Variants in DLGAP1 observed in about 807,000 individuals in gnomAD.
DLGAP1 encodes the protein DLG associated protein 1.
A neutral mutation model predicts 90.8 loss-of-function variants in DLGAP1; 11 were observed. The observed-to-expected ratio is 0.12, with a 90% confidence interval of 0.08 to 0.20. The LOEUF is 0.20. Ranked by LOEUF, DLGAP1 falls within the 10% of genes least tolerant of loss-of-function variation. DLGAP1 has a pLI of 1.00. For synonymous variants in DLGAP1, 558 were observed against 540.7 expected (o/e 1.03, Z -0.44); for missense variants, 1,050 against 1,333.8 (o/e 0.79, Z 3.31).
chr18:4,284,202 T>TG (rs1466649053), intron 1 of DLGAP1, among the ~76,000 whole-genome samples: 1 of 59,470 alleles, frequency 1.7e-5, no homozygotes, highest in Non-Finnish European at 3.9e-5. Context: ...CTGCCTCTAC[T>TG]GAAAAAAAAA....
chr18:4,126,749 G>C (rs780255734), intron 2 of DLGAP1, among the ~76,000 whole-genome samples: 1 of 152,068 alleles, frequency 6.6e-6, no homozygotes. Context: ...CTCTAACAGT[G>C]GTTACATATG....
chr18:3,828,087 G>A (rs2067819022), intron 4 of DLGAP1, among the ~76,000 whole-genome samples: 1 of 152,184 alleles, frequency 6.6e-6, no homozygotes, highest in African/African-American at 2.4e-5. Context: ...TTGTAGTCGT[G>A]TAGAAGAATA....
chr18:3,737,153 C>A (rs1326148287), intron 6 of DLGAP1, among the ~76,000 whole-genome samples: 2 of 147,062 alleles, frequency 1.4e-5, no homozygotes, highest in African/African-American at 5.0e-5. Flanking sequence ...AAAAAGAGTC[C>A]AGGACCAGAT....
At chr18:4,353,829 C>T (rs1200646796) in intron 1 of DLGAP1, among the ~76,000 whole-genome samples, 1 of 152,006 alleles carries the variant, frequency 6.6e-6, no homozygotes, top group East Asian at 1.9e-4. Context: ...TCAGTTATAT[C>T]AACTTTTAGG....
intron 1 of DLGAP1, among the ~76,000 whole-genome samples, chr18:4,412,867 C>T (rs912653268): frequency 6.6e-6 from 1 of 152,182 alleles, no homozygotes; most frequent in Non-Finnish European, 1.5e-5. Flanking sequence ...CATGATTTGC[C>T]AAAGTCCTAA....
At chr18:3,765,204 T>C (rs1389596997) in intron 5 of DLGAP1, among the ~76,000 whole-genome samples, 1 of 144,946 alleles carries the variant, frequency 6.9e-6, no homozygotes, top group Non-Finnish European at 1.5e-5. Context: ...CTCGGCTCAT[T>C]GCAGCAAGCT....
In DLGAP1 at chr18:3,883,879, G is replaced by A. The variant is rs149433203; in HGVS notation, c.-72-3739C>T. ...ACTCTGCAACTCACTGGGCAATATC[G>A]TACCTTCTGCCGTTCTACCTGTCTG... is the stretch of plus-strand genomic sequence containing the variant. On this transcript the variant is annotated intron_variant, in intron 3 of 12. Transcript: ENST00000315677. Among the ~76,000 whole-genome samples the A allele has an allele frequency of 2.5e-3, 376 of 152,264 alleles. 2 individuals carry two copies. Among genetic ancestry groups the A allele is most frequent in the African/African-American group, 8.5e-3 (355 of 41,540 alleles).
chr18:4,427,177 CAG>C (rs1348535014), intron 1 of DLGAP1, among the ~76,000 whole-genome samples: 1 of 152,148 alleles, frequency 6.6e-6, no homozygotes, highest in Admixed American at 6.5e-5. Flanking sequence ...CCAAATGGAG[CAG>C]AGAGACTGTT....
intron 1 of DLGAP1, among the ~76,000 whole-genome samples, chr18:4,399,324 A>T (rs949692447): frequency 2.0e-5 from 3 of 152,252 alleles, no homozygotes; most frequent in Non-Finnish European, 4.4e-5. Flanking sequence ...CCTGAAAACA[A>T]CAAGAGTAAC....
At chr18:3,552,764 A>C (rs2053546930) in intron 9 of DLGAP1, among the ~76,000 whole-genome samples, 1 of 152,214 alleles carries the variant, frequency 6.6e-6, no homozygotes, top group Non-Finnish European at 1.5e-5. Flanking sequence ...GGCTCCGCAG[A>C]TTCAAGGACT....
chr18:4,343,323 A>G (rs2081238969), intron 1 of DLGAP1, among the ~76,000 whole-genome samples: 1 of 151,376 alleles, frequency 6.6e-6, no homozygotes. Flanking sequence ...AAAAAAAAAA[A>G]GTTTAGATTA....
intron 1 of DLGAP1, among the ~76,000 whole-genome samples, chr18:4,160,023 G>A (rs1423666932): frequency 2.6e-5 from 4 of 152,166 alleles, no homozygotes; most frequent in African/African-American, 4.8e-5. Context: ...CAGAAAGTGC[G>A]TAATGACTCA....
intron 1 of DLGAP1, among the ~76,000 whole-genome samples, chr18:4,417,612 A>G (rs2082927925): frequency 6.6e-6 from 1 of 152,124 alleles, no homozygotes; most frequent in South Asian, 2.1e-4. Flanking sequence ...AATATCATAA[A>G]CCTATTGGAG....
At chr18:4,271,783 C>T (rs548985158) in intron 1 of DLGAP1, among the ~76,000 whole-genome samples, 1 of 152,244 alleles carries the variant, frequency 6.6e-6, no homozygotes, top group South Asian at 2.1e-4. Flanking sequence ...TTGCTTTTGA[C>T]CTTTCTGCTT....
At chr18:4,275,651 C>T (rs1038203650) in intron 1 of DLGAP1, among the ~76,000 whole-genome samples, 4 of 151,296 alleles carry the variant, frequency 2.6e-5, no homozygotes, top group African/African-American at 7.3e-5. Context: ...CTGAGCATGG[C>T]TCATTCTTGC....
chr18:4,161,182 C>T (rs1335485254), intron 1 of DLGAP1, among the ~76,000 whole-genome samples: 3 of 152,006 alleles, frequency 2.0e-5, no homozygotes, highest in African/African-American at 7.3e-5. Context: ...AACCCACTAC[C>T]TAGGTAGTAA....
At chr18:3,739,542 C>T (rs533021580) in intron 6 of DLGAP1, among the ~76,000 whole-genome samples, 14 of 146,446 alleles carry the variant, frequency 9.6e-5, no homozygotes, top group Non-Finnish European at 1.6e-4. Context: ...AACCAAACAC[C>T]GCATATTCTC....
intron 1 of DLGAP1, among the ~76,000 whole-genome samples, chr18:4,347,318 G>T (rs535330706): frequency 1.3e-5 from 2 of 152,146 alleles, no homozygotes; most frequent in East Asian, 3.9e-4. Context: ...CAAAACGTTG[G>T]AAATGAAAGA....
intron 2 of DLGAP1, among the ~76,000 whole-genome samples, chr18:4,045,154 T>C (rs147800044): frequency 3.6e-4 from 55 of 152,218 alleles, no homozygotes; most frequent in Admixed American, 9.8e-4. Flanking sequence ...CGAGCCACTC[T>C]CATCTCCTAC....
Sources: allele counts gnomAD v4.1 joint callset (sites outside exome capture counted in the v4.1 genomes callset), GRCh38; gene constraint gnomAD v4.1.1; transcripts MANE v1.5; gene names NCBI Gene and HGNC (gene_info 2026-07-23, HGNC 2026-07-21).